The following GPC6 variants were observed in gnomAD, a reference collection of about 807,000 sequenced individuals.
GPC6 encodes glypican 6.
Under a neutral mutation model 55.2 loss-of-function variants are expected in GPC6, and 14 were observed. The ratio of observed to expected loss-of-function variants is 0.25; its 90% CI spans 0.17 to 0.40. GPC6 has a LOEUF of 0.40. Ranked by LOEUF, GPC6 falls within the 10% of genes least tolerant of loss-of-function variation. The pLI, the probability that GPC6 is intolerant of heterozygous loss-of-function variation, is 1.00. For missense variants in GPC6, 641 were observed against 708.5 expected, an observed-to-expected ratio of 0.90 and a Z score of 1.08; for synonymous variants, 278 against 259.6, an observed-to-expected ratio of 1.07 and a Z score of -0.68.
chr13:93,316,576 A>G (rs961619817), intron 1 of GPC6, among the ~76,000 whole-genome samples: 4 of 152,108 alleles, frequency 2.6e-5, no homozygotes, highest in Non-Finnish European at 5.9e-5. Context: ...AACTGCTATC[A>G]TCATTGGAAA....
At chr13:93,709,735 A>G (rs1420304764) in intron 2 of GPC6, among the ~76,000 whole-genome samples, 2 of 151,814 alleles carry the variant, frequency 1.3e-5, no homozygotes, top group Admixed American at 1.3e-4. Context: ...GGGTTTACTC[A>G]ACAGTGTTAA....
At chr13:94,338,738 A>G (rs986110787) in intron 6 of GPC6, among the ~76,000 whole-genome samples, 1 of 152,186 alleles carries the variant, frequency 6.6e-6, no homozygotes, top group African/African-American at 2.4e-5. Flanking sequence ...AAGAAATTTC[A>G]TGAATTTTAG....
At chr13:93,726,584 C>T (rs4465475) in intron 2 of GPC6, among the ~76,000 whole-genome samples, 22,299 of 151,820 alleles carry the variant, frequency 0.15, 2,873 homozygotes, top group South Asian at 0.32. Flanking sequence ...AAATCTGTAA[C>T]ATCTCCACTT....
intron 5 of GPC6, among the ~76,000 whole-genome samples, chr13:94,301,240 A>G (rs1012772964): frequency 6.6e-6 from 1 of 152,104 alleles, no homozygotes; most frequent in Non-Finnish European, 1.5e-5. Flanking sequence ...CATTTAAGAG[A>G]CATCCATTAG....
chr13:94,299,500 G>A (rs751163354), intron 5 of GPC6, among the ~76,000 whole-genome samples: 2 of 152,220 alleles, frequency 1.3e-5, no homozygotes, highest in Non-Finnish European at 2.9e-5. Context: ...TGGAGGCTGT[G>A]GGAGGTAATT....
intron 1 of GPC6, among the ~76,000 whole-genome samples, chr13:93,465,610 A>T (rs369667603): frequency 2.0e-5 from 3 of 152,218 alleles, no homozygotes; most frequent in African/African-American, 7.2e-5. Flanking sequence ...GCTTATGAGA[A>T]TGTTGTGGCT....
At chr13:93,313,501 T>A (rs1879142269) in intron 1 of GPC6, among the ~76,000 whole-genome samples, 2 of 152,190 alleles carry the variant, frequency 1.3e-5, no homozygotes, top group Admixed American at 1.3e-4. Flanking sequence ...CCCATTTGTG[T>A]TCATTTTAAA....
At chr13:94,010,602 T>A (rs1882206781) in intron 3 of GPC6, among the ~76,000 whole-genome samples, 1 of 152,196 alleles carries the variant, frequency 6.6e-6, no homozygotes, top group African/African-American at 2.4e-5. Context: ...ATTGATTTTG[T>A]TACTAGATTT....
intron 4 of GPC6, among the ~76,000 whole-genome samples, chr13:94,081,728 A>C (rs866334775): frequency 6.6e-6 from 1 of 152,066 alleles, no homozygotes; most frequent in Non-Finnish European, 1.5e-5. Context: ...ATATTTAACT[A>C]TCTTGCTAAG....
chr13:93,406,105 G>T (rs142634945), intron 1 of GPC6, among the ~76,000 whole-genome samples: 227 of 152,254 alleles, frequency 1.5e-3, no homozygotes, highest in Non-Finnish European at 2.2e-3. Context: ...CCAGTCAAAG[G>T]ACAGCCCAAA....
intron 7 of GPC6, among the ~76,000 whole-genome samples, chr13:94,397,012 GA>G (rs1175607276): frequency 5.3e-5 from 8 of 152,174 alleles, no homozygotes; most frequent in Non-Finnish European, 1.2e-4. Flanking sequence ...TGAATTTAAA[GA>G]TGTGCGTCAA....
chr13:94,385,201 CT>C (rs1375257093), intron 7 of GPC6, among the ~76,000 whole-genome samples: 1 of 151,458 alleles, frequency 6.6e-6, no homozygotes, highest in Non-Finnish European at 1.5e-5. Context: ...GATCATACCA[CT>C]GCACTCCAGC....
rs150251374 is a variant in GPC6 at position 94,175,316 on chromosome 13, C to T, written c.878-111033C>T. Among the ~76,000 whole-genome samples, 10 of 152,274 alleles carry T rather than the reference C, an allele frequency of 6.6e-5. No homozygotes were observed. In the East Asian group the frequency reaches 1.9e-3, roughly 29 times the overall value. On this transcript the variant is annotated intron_variant, in intron 4 of 8. Coordinates refer to ENST00000377047, the MANE Select transcript of GPC6 (RefSeq NM_005708.5). ...TTCTGCCTTTGTAGCACAATAGCAG[C>T]CATCCACAATGTGTCAATGATTGAG...
chr13:93,332,442 T>C (rs900142393), intron 1 of GPC6, among the ~76,000 whole-genome samples: 8 of 152,164 alleles, frequency 5.3e-5, no homozygotes, highest in Non-Finnish European at 8.8e-5. Context: ...GTGATTTTGA[T>C]TTGCATTTCC....
At chr13:93,584,779 C>T (rs923826427) in intron 2 of GPC6, among the ~76,000 whole-genome samples, 54 of 150,142 alleles carry the variant, frequency 3.6e-4, no homozygotes, top group Middle Eastern at 3.5e-3. Context: ...ACCTCCACCT[C>T]CTGGGCTCAA....
At chr13:93,600,967 G>A (rs72641658) in intron 2 of GPC6, among the ~76,000 whole-genome samples, 1,461 of 109,662 alleles carry the variant, frequency 0.013, 1 homozygote, top group Middle Eastern at 0.03. Flanking sequence ...AAAAAAAAAA[G>A]AAAAAAAAAA....
intron 1 of GPC6, among the ~76,000 whole-genome samples, chr13:93,492,633 A>G (rs967089792): frequency 6.6e-6 from 1 of 150,612 alleles, no homozygotes; most frequent in African/African-American, 2.4e-5. Flanking sequence ...GTTTTTGCCC[A>G]TTCGGTATGA....
chr13:93,252,466 T>G (rs1008483440), intron 1 of GPC6, among the ~76,000 whole-genome samples: 1 of 152,228 alleles, frequency 6.6e-6, no homozygotes. Context: ...TTCCCTGCTT[T>G]TATCCACCAA....
At chr13:94,348,543 T>C (rs1878395732) in intron 6 of GPC6, among the ~76,000 whole-genome samples, 1 of 152,232 alleles carries the variant, frequency 6.6e-6, no homozygotes, top group Non-Finnish European at 1.5e-5. Context: ...CCTGTTCCTA[T>C]ATCTTTGTTC....
Sources: gnomAD v4.1 joint callset for allele counts (sites outside exome capture counted in the v4.1 genomes callset) on GRCh38, gnomAD v4.1.1 for gene constraint, MANE v1.5 for transcripts, NCBI Gene and HGNC (gene_info 2026-07-23, HGNC 2026-07-21) for gene names.